SLC2A13: variants seen among roughly 807,000 people sequenced by gnomAD.
The protein encoded by SLC2A13 is proton myo-inositol cotransporter.
SLC2A13 carries 32 observed loss-of-function variants against 64.4 expected under a neutral mutation model. The ratio of observed to expected loss-of-function variants is 0.50; its 90% CI spans 0.37 to 0.67. SLC2A13 has a LOEUF of 0.67. SLC2A13 is among the 30% of genes least tolerant of loss of function. The pLI, the probability that SLC2A13 is intolerant of heterozygous loss-of-function variation, is 0.00. For missense variants in SLC2A13, 743 were observed against 829.2 expected (o/e 0.90, Z 1.28); for synonymous variants, 338 against 327.1 (o/e 1.03, Z -0.36).
chr12:39,804,930 G>A (rs76795855), intron 7 of SLC2A13, among the ~76,000 whole-genome samples: 22,118 of 149,332 alleles, frequency 0.15, 1,793 homozygotes, highest in South Asian at 0.3. Flanking sequence ...GGCAGAGAAA[G>A]AAAACACTCT....
chr12:39,764,927 C>A (rs1940293461), intron 7 of SLC2A13, 69 bp from the exon 8 acceptor site: 2 of 1,528,234 alleles, frequency 1.3e-6, no homozygotes, highest in African/African-American at 1.4e-5. Context: ...TCAATATGAT[C>A]ATATTTATGT....
chr12:39,929,996 T>A (rs1226173277), intron 4 of SLC2A13, among the ~76,000 whole-genome samples: 1 of 151,748 alleles, frequency 6.6e-6, no homozygotes, highest in African/African-American at 2.4e-5. Flanking sequence ...CCAGGCATGG[T>A]GGTGCATGCC....
intron 1 of SLC2A13, among the ~76,000 whole-genome samples, chr12:40,074,928 G>C (rs1156374218): frequency 6.6e-6 from 1 of 152,164 alleles, no homozygotes; most frequent in African/African-American, 2.4e-5. Flanking sequence ...GAACAGAATG[G>C]CTAGAGGGTA....
chr12:39,826,762 T>C (rs1942689871), intron 7 of SLC2A13, among the ~76,000 whole-genome samples: 3 of 149,922 alleles, frequency 2.0e-5, no homozygotes, highest in Admixed American at 1.3e-4. Context: ...TCATATAAAA[T>C]ACACATATAT....
intron 3 of SLC2A13, among the ~76,000 whole-genome samples, chr12:40,021,622 C>A (rs144412020): frequency 3.4e-4 from 52 of 152,154 alleles, no homozygotes; most frequent in African/African-American, 1.2e-3. Context: ...GTTTTCTTTG[C>A]CAATATTTAG....
At chr12:39,783,097 A>G (rs1941055951) in intron 7 of SLC2A13, among the ~76,000 whole-genome samples, 1 of 151,924 alleles carries the variant, frequency 6.6e-6, no homozygotes, top group African/African-American at 2.4e-5. Context: ...TTCAAGTCCC[A>G]CCTATGAGTG....
chr12:40,096,493 A>G (rs2136302813), intron 1 of SLC2A13, among the ~76,000 whole-genome samples: 2 of 152,046 alleles, frequency 1.3e-5, no homozygotes, highest in East Asian at 3.9e-4. Context: ...AGATGTCATC[A>G]ATATAGATAA....
intron 4 of SLC2A13, among the ~76,000 whole-genome samples, chr12:39,929,641 G>T (rs1041775546): frequency 2.0e-5 from 3 of 152,110 alleles, no homozygotes; most frequent in African/African-American, 4.8e-5. Context: ...TGTCCCTCAG[G>T]GGGCAACCAG....
At chr12:39,856,701 C>G (rs1943618606) in intron 6 of SLC2A13, among the ~76,000 whole-genome samples, 1 of 152,158 alleles carries the variant, frequency 6.6e-6, no homozygotes, top group South Asian at 2.1e-4. Context: ...CACATTTGGT[C>G]CATAGCAATA....
rs149291222 is a variant in SLC2A13 at position 39,810,290 on chromosome 12, T to G, written c.1445+19813A>C. Among the ~76,000 whole-genome samples the G allele has an allele frequency of 2.8e-3, 432 of 152,352 alleles. 2 individuals carry two copies. The highest frequency in any genetic ancestry group is 9.8e-3 in the African/African-American group (406 of 41,588). On this transcript the variant is annotated intron_variant, in intron 7 of 9. Transcript: ENST00000280871. Reference sequence around the variant, plus strand: ...AATTTATCTTTAAGAATTTCATCTTTTGATGATATAATTAGCCTTTAAAAT... The same window carrying G: ...AATTTATCTTTAAGAATTTCATCTTGTGATGATATAATTAGCCTTTAAAAT...
chr12:39,963,557 A>T (rs981704222), intron 3 of SLC2A13, among the ~76,000 whole-genome samples: 1 of 151,378 alleles, frequency 6.6e-6, no homozygotes, highest in African/African-American at 2.5e-5. Flanking sequence ...CAATCAAGAT[A>T]TGTACTGCCA....
chr12:39,861,679 AAT>A (rs1943762422), intron 6 of SLC2A13, among the ~76,000 whole-genome samples: 2 of 152,216 alleles, frequency 1.3e-5, no homozygotes, highest in African/African-American at 2.4e-5. Flanking sequence ...GAAAAAAAGA[AAT>A]ATGTGTGTGA....
intron 3 of SLC2A13, among the ~76,000 whole-genome samples, chr12:40,012,105 T>C (rs1488410425): frequency 6.6e-6 from 1 of 152,200 alleles, no homozygotes; most frequent in East Asian, 1.9e-4. Context: ...ACTACAGTTT[T>C]TGCTAATATT....
intron 4 of SLC2A13, among the ~76,000 whole-genome samples, chr12:39,943,817 C>T (rs921873939): frequency 2.9e-4 from 44 of 152,226 alleles, no homozygotes; most frequent in African/African-American, 9.6e-4. Context: ...CTTTGCAAAC[C>T]GCAGACCAGG....
intron 4 of SLC2A13, among the ~76,000 whole-genome samples, chr12:39,896,482 G>GTA (rs1944901107): frequency 6.9e-6 from 1 of 145,764 alleles, no homozygotes; most frequent in Admixed American, 7.0e-5. Flanking sequence ...ATGTATATGT[G>GTA]TATATATGTA....
intron 7 of SLC2A13, among the ~76,000 whole-genome samples, chr12:39,798,930 T>C (rs1342950664): frequency 6.6e-6 from 1 of 151,898 alleles, no homozygotes; most frequent in African/African-American, 2.4e-5. Context: ...TACATTAAAA[T>C]TATAATTTGT....
intron 6 of SLC2A13, 92 bp downstream of exon 6, chr12:39,864,670 T>C: frequency 6.6e-7 from 1 of 1,513,884 alleles, no homozygotes; most frequent in Non-Finnish European, 8.9e-7. Flanking sequence ...CCCAGCAAGC[T>C]CCTACTCATC....
intron 4 of SLC2A13, among the ~76,000 whole-genome samples, chr12:39,899,128 G>C (rs1482827234): frequency 2.0e-5 from 3 of 152,046 alleles, no homozygotes; most frequent in Non-Finnish European, 4.4e-5. Flanking sequence ...TTTTTGGTTG[G>C]TAAGCTATTG....
intron 4 of SLC2A13, among the ~76,000 whole-genome samples, chr12:39,873,026 G>A (rs952634440): frequency 1.3e-5 from 2 of 152,110 alleles, no homozygotes; most frequent in East Asian, 3.9e-4. Context: ...TTTTGAATAC[G>A]TTTAAGTCTC....
Sources: allele counts gnomAD v4.1 joint callset (sites outside exome capture counted in the v4.1 genomes callset), GRCh38; gene constraint gnomAD v4.1.1; transcripts MANE v1.5; gene names NCBI Gene and HGNC (gene_info 2026-07-23, HGNC 2026-07-21).